CSMD2: variants seen among roughly 807,000 people sequenced by gnomAD.
CSMD2 encodes the protein CUB and sushi domain-containing protein 2.
CSMD2 carries 130 observed loss-of-function variants against 398.5 expected under a neutral mutation model. That is an observed-to-expected ratio of 0.33 (90% CI 0.28 to 0.38). The LOEUF is 0.38. Ranked by LOEUF, CSMD2 falls within the 10% of genes least tolerant of loss-of-function variation. The probability of loss-of-function intolerance (pLI) is 1.00; values close to 1 mark genes in which losing one functional copy is unlikely to be tolerated. For missense variants in CSMD2, 3,829 were observed against 4,764.9 expected, an observed-to-expected ratio of 0.80 and a Z score of 5.78; for synonymous variants, 1,828 against 1,908.5, an observed-to-expected ratio of 0.96 and a Z score of 1.10.
At chr1:33,963,143 C>A (rs1432314523) in intron 3 of CSMD2, among the ~76,000 whole-genome samples, 3 of 152,242 alleles carry the variant, frequency 2.0e-5, no homozygotes, top group African/African-American at 4.8e-5. Context: ...TTAAATGCAA[C>A]CCCAGCCACA....
intron 3 of CSMD2, among the ~76,000 whole-genome samples, chr1:34,032,061 T>C (rs1650512838): frequency 1.3e-5 from 2 of 152,112 alleles, no homozygotes; most frequent in Non-Finnish European, 2.9e-5. Flanking sequence ...TCTAACACCA[T>C]ATTTAAACAG....
intron 10 of CSMD2, chr1:33,804,680 C>T: frequency 1.4e-6 from 1 of 716,584 alleles, no homozygotes. Context: ...AGAGACTATG[C>T]TTTTTGCTGA....
chr1:33,949,964 C>T (rs1454398677), intron 3 of CSMD2, among the ~76,000 whole-genome samples: 1 of 152,168 alleles, frequency 6.6e-6, no homozygotes, highest in Non-Finnish European at 1.5e-5. Flanking sequence ...ACCCATCTCT[C>T]CCCTGGGTTC....
intron 12 of CSMD2, among the ~76,000 whole-genome samples, chr1:33,781,151 A>G (rs1388391658): frequency 6.6e-6 from 1 of 152,186 alleles, no homozygotes; most frequent in Non-Finnish European, 1.5e-5. Context: ...CTTCTCCCCA[A>G]CTTGCTCTCA....
At chr1:33,754,569 G>A (rs527634384) in intron 13 of CSMD2, among the ~76,000 whole-genome samples, 8 of 152,322 alleles carry the variant, frequency 5.3e-5, no homozygotes, top group African/African-American at 1.9e-4. Context: ...TAAAGGAAGA[G>A]CATAGGAAAT....
intron 1 of CSMD2, among the ~76,000 whole-genome samples, chr1:34,114,108 C>T (rs1661365981): frequency 6.6e-6 from 1 of 152,120 alleles, no homozygotes; most frequent in Non-Finnish European, 1.5e-5. Context: ...CATAATCAGA[C>T]ACCAGAGGGA....
intron 3 of CSMD2, among the ~76,000 whole-genome samples, chr1:34,025,663 C>A (rs1649552776): frequency 6.6e-6 from 1 of 152,126 alleles, no homozygotes; most frequent in Admixed American, 6.5e-5. Flanking sequence ...TTACTAGGAC[C>A]CTTAGCTCTA....
At chr1:33,967,183 T>C (rs1310617999) in intron 3 of CSMD2, among the ~76,000 whole-genome samples, 1 of 151,434 alleles carries the variant, frequency 6.6e-6, no homozygotes, top group African/African-American at 2.4e-5. Flanking sequence ...ATGGCTTTGA[T>C]CTCATATTTA....
chr1:33,930,283 G>T (rs1409865414), intron 4 of CSMD2, among the ~76,000 whole-genome samples: 1 of 152,164 alleles, frequency 6.6e-6, no homozygotes, highest in Non-Finnish European at 1.5e-5. Context: ...AACTCAGAGG[G>T]GTTTAGCAGC....
rs115885153 is a variant in CSMD2, at chr1:33,825,766, G to T, written c.1042C>A (p.Gln348Lys). ...GFSAQYQVKK[Q>K]IELKSRGVKL... Reference sequence around the variant, plus strand: ...ACACCTCGAGACTTCAACTCAATTTGCTTCTTGACTAGAGAGGAGGTAAGA... The same window carrying T: ...ACACCTCGAGACTTCAACTCAATTTTCTTCTTGACTAGAGAGGAGGTAAGA... The change falls in exon 7 of 71, where the codon CAA becomes AAA. Residue 348 changes from glutamine to lysine, a missense_variant. Coordinates refer to ENST00000373381, the MANE Select transcript of CSMD2 (RefSeq NM_001281956.2). The T allele has an allele frequency of 6.4e-5, 104 of 1,613,838 alleles. No individual in the cohort carries two copies. The African/African-American group carries it at 1.3e-3, about 20-fold the overall frequency.
intron 9 of CSMD2, among the ~76,000 whole-genome samples, chr1:33,819,205 G>C (rs1019955342): frequency 6.6e-6 from 1 of 152,174 alleles, no homozygotes; most frequent in Non-Finnish European, 1.5e-5. Flanking sequence ...GGATGTGGTG[G>C]CAGGGCCCTG....
chr1:33,675,521 C>T, intron 25 of CSMD2, among the ~76,000 whole-genome samples: 1 of 152,160 alleles, frequency 6.6e-6, no homozygotes, highest in East Asian at 1.9e-4. Context: ...CCGAATTCTA[C>T]CAGAGGTACA....
intron 2 of CSMD2, among the ~76,000 whole-genome samples, chr1:34,085,672 A>C (rs1023539965): frequency 1.3e-5 from 2 of 151,688 alleles, no homozygotes; most frequent in Non-Finnish European, 2.9e-5. Flanking sequence ...TGAGATATGA[A>C]CCCCTTTCTT....
chr1:34,027,986 G>C (rs948055720), intron 3 of CSMD2, among the ~76,000 whole-genome samples: 3 of 152,154 alleles, frequency 2.0e-5, no homozygotes, highest in African/African-American at 7.2e-5. Context: ...AAATGGGATT[G>C]TCAGTTCTAG....
intron 19 of CSMD2, 85 bp downstream of exon 19, chr1:33,724,111 AT>A: frequency 1.1e-6 from 1 of 874,098 alleles, no homozygotes; most frequent in East Asian, 2.4e-5. Flanking sequence ...ATCTAGGGAG[AT>A]CCCCATTGAG....
At chr1:33,840,840 A>C (rs922546900) in intron 6 of CSMD2, among the ~76,000 whole-genome samples, 1 of 152,160 alleles carries the variant, frequency 6.6e-6, no homozygotes, top group Non-Finnish European at 1.5e-5. Context: ...ATTAGGCTGG[A>C]AAGTTTAGCA....
At chr1:33,625,772 C>T (rs1259993727) in intron 33 of CSMD2, among the ~76,000 whole-genome samples, 1 of 152,198 alleles carries the variant, frequency 6.6e-6, no homozygotes, top group Admixed American at 6.5e-5. Flanking sequence ...AGAAACACAG[C>T]TCATCCTGGG....
chr1:33,713,972 C>T (rs759034250), intron 21 of CSMD2, among the ~76,000 whole-genome samples: 4 of 152,196 alleles, frequency 2.6e-5, no homozygotes, highest in Non-Finnish European at 5.9e-5. Flanking sequence ...ATGTGGACCA[C>T]GAGTGAAGAA....
chr1:33,947,540 T>G (rs78734510), intron 3 of CSMD2, among the ~76,000 whole-genome samples: 5,897 of 152,164 alleles, frequency 0.039, 380 homozygotes, highest in African/African-American at 0.13. Flanking sequence ...GAACTTGTAT[T>G]TTACTGGAAG....
Sources: allele counts gnomAD v4.1 joint callset (sites outside exome capture counted in the v4.1 genomes callset), GRCh38; gene constraint gnomAD v4.1.1; transcripts MANE v1.5; gene names NCBI Gene and HGNC (gene_info 2026-07-23, HGNC 2026-07-21).